BCL6B: variants seen among roughly 807,000 people sequenced by gnomAD.
The protein encoded by BCL6B is BCL6B transcription repressor, also known as B-cell CLL/lymphoma 6 member B protein.
Under a neutral mutation model 44.6 loss-of-function variants are expected in BCL6B, and 28 were observed. The observed-to-expected ratio is 0.63, with a 90% CI of 0.47 to 0.86. BCL6B has a LOEUF of 0.86. Ranked by LOEUF, BCL6B falls within the 40% of genes least tolerant of loss-of-function variation. The probability of loss-of-function intolerance (pLI) is 0.00; values close to 1 mark genes in which losing one functional copy is unlikely to be tolerated. For synonymous variants in BCL6B, 268 were observed against 263.6 expected (o/e 1.02, Z -0.16); for missense variants, 626 against 652.3 (o/e 0.96, Z 0.44).
At position 7,024,395 on chromosome 17, in the gene BCL6B, C is replaced by T. The variant is rs1172610183; in HGVS notation, c.402-6C>T. Reference sequence around the variant, plus strand: ...ATGGCACTAACGTTCATCACACTTTCCCCAGCTATGAACCTCTGGGCATCT... The same window carrying T: ...ATGGCACTAACGTTCATCACACTTTTCCCAGCTATGAACCTCTGGGCATCT... On this transcript the variant is annotated splice_region_variant and splice_polypyrimidine_tract_variant and intron_variant, in intron 3 of 8. Coordinates refer to ENST00000293805, the MANE Select transcript of BCL6B (RefSeq NM_181844.4). The surrounding 1 kb of genome is among the most constrained non-coding windows in gnomAD (Gnocchi z 6.6). 2 of 1,612,244 alleles carry T rather than the reference C, an allele frequency of 1.2e-6. No individual in the cohort carries two copies. Among genetic ancestry groups the T allele is most frequent in the East Asian group, 2.2e-5 (1 of 44,854 alleles).
Position 7,028,700 on chromosome 17 carries a change from A to C in BCL6B, c.*1081A>C, listed in dbSNP as rs1033391755. ...GATCAGACATTCCTTATCAGAGATGATGTGACCTTTTCTGACTCTGCCCAG... is the reference window on the plus strand; with the variant it reads ...GATCAGACATTCCTTATCAGAGATGCTGTGACCTTTTCTGACTCTGCCCAG... On this transcript the variant is annotated 3_prime_UTR_variant, in exon 9 of 9. Coordinates refer to ENST00000293805, the MANE Select transcript of BCL6B (RefSeq NM_181844.4). The C allele has an allele frequency of 1.0e-6, 1 of 985,420 alleles. No homozygotes were observed. Among genetic ancestry groups the C allele is most frequent in the South Asian group, 4.7e-5 (1 of 21,284 alleles). 61.0% of individuals were successfully genotyped at this position (985,420 alleles called of 1,614,324 possible). A position where few individuals can be genotyped will look rare whatever the true frequency, so the allele number is the denominator to read the frequency against.
intron 8 of BCL6B, among the ~76,000 whole-genome samples, 168 bp from the exon 9 acceptor site, chr17:7,027,335 C>G (rs1289990746): frequency 2.0e-5 from 3 of 152,166 alleles, no homozygotes; most frequent in Non-Finnish European, 4.4e-5. Flanking sequence ...CTAAATAAGG[C>G]GGGGCCTATC....
In BCL6B at chr17:7,026,750, G is replaced by A; in HGVS notation, c.1100G>A (p.Arg367Gln). 1.9e-6 allele frequency: 3 copies of A among 1,614,186 alleles called. No homozygotes were observed. The highest frequency in any genetic ancestry group is 2.5e-6 in the Non-Finnish European group (3 of 1,180,042). Reference sequence around the variant, plus strand: ...TCAATCTGCGGAGCCCGTTTTAACCGGCCAGCAAACCTGAAAACGCACAGC... The same window carrying A: ...TCAATCTGCGGAGCCCGTTTTAACCAGCCAGCAAACCTGAAAACGCACAGC... ...HCSICGARFN[R>Q]PANLKTHSRI... is the part of the protein sequence containing the mutation. Residue 367 changes from arginine to glutamine, a missense_variant, in exon 7 of 9, where the codon CGG becomes CAG. Physicochemically the swap from Arg to Gln is conservative, Grantham distance 43. Transcript: ENST00000293805.
rs201901292 is a variant in BCL6B at position 7,026,853 on chromosome 17, A to G, written c.1185+18A>G. The G allele has an allele frequency of 5.1e-5, 83 of 1,613,032 alleles. 2 individuals carry two copies. In the South Asian group the frequency reaches 8.7e-4, roughly 17 times the overall value. On this transcript the variant is annotated intron_variant, in intron 7 of 8. Coordinates refer to ENST00000293805, the MANE Select transcript of BCL6B (RefSeq NM_181844.4). ...TTGTACAGGTACGGAGCCAGCCTCCAAGTGGCTTCCAAGGCAAACCTGCAA... is the reference window on the plus strand; with the variant it reads ...TTGTACAGGTACGGAGCCAGCCTCCGAGTGGCTTCCAAGGCAAACCTGCAA...
At position 7,026,777 on chromosome 17, in the gene BCL6B, G is replaced by A. The variant is rs1567729236; in HGVS notation, c.1127G>A (p.Arg376His). ...CCAGCAAACCTGAAAACGCACAGCC[G>A]CATCCATTCGGGAGAGAAGCCGTAT... ...NRPANLKTHSRIHSGEKPYKC... is the reference protein window; with the variant it reads ...NRPANLKTHSHIHSGEKPYKC... Residue 376 changes from arginine (R) to histidine (H), a missense_variant, in exon 7 of 9, where the codon CGC becomes CAC. By Grantham distance (29) the Arg-to-His change is conservative. Transcript: ENST00000293805. 3 of 1,614,164 alleles carry A rather than the reference G, an allele frequency of 1.9e-6. 1 individual carries two copies. Among genetic ancestry groups the A allele is most frequent in the Middle Eastern group, 1.6e-4 (1 of 6,062 alleles).
In BCL6B at chr17:7,024,824, T is replaced by C; in HGVS notation, c.764+61T>C. 2 of 1,528,030 alleles carry C rather than the reference T, an allele frequency of 1.3e-6. No homozygotes were observed. Among genetic ancestry groups the C allele is most frequent in the Admixed American group, 4.2e-5 (2 of 47,796 alleles). The allele number at this position is 1,528,030 out of a possible 1,614,324, so 94.7% of individuals were successfully genotyped here. A position where few individuals can be genotyped will look rare whatever the true frequency, so the allele number is the denominator to read the frequency against. ...TGGCCTCAGCTAGAAGACAGAGTCA[T>C]TGGGCCTTGATGGTCAGGAGGAAGG... On this transcript the variant is annotated intron_variant, in intron 4 of 8. Coordinates refer to ENST00000293805, the MANE Select transcript of BCL6B (RefSeq NM_181844.4). The surrounding 1 kb of genome is among the most constrained non-coding windows in gnomAD (Gnocchi z 6.6).
intron 1 of BCL6B, 194 bp from the exon 2 acceptor site, chr17:7,023,466 T>A (rs940829910): frequency 1.7e-6 from 1 of 581,890 alleles, no homozygotes; most frequent in Non-Finnish European, 3.0e-6. Context: ...CGCTGTGGGA[T>A]CTGGAAGAGG....
Position 7,027,575 on chromosome 17 carries a change from G to A in BCL6B, c.1396G>A (p.Ala466Thr), listed in dbSNP as rs1910334542. The change falls in exon 9 of 9, where the codon GCT (alanine) becomes ACT (threonine). Residue 466 changes from alanine to threonine, a missense_variant. By Grantham distance (58) the Ala-to-Thr change is moderately conservative. Transcript: ENST00000293805. ...RLHLRQKHGA[A>T]TNTKVHYHIL... ...GCATCTGCGCCAGAAACACGGAGCT[G>A]CTACCAACACCAAAGTGCACTACCA... 1.9e-6 allele frequency: 3 copies of A among 1,613,792 alleles called. No homozygotes were observed. The highest frequency in any genetic ancestry group is 4.5e-5 in the East Asian group (2 of 44,864).
intron 5 of BCL6B, among the ~76,000 whole-genome samples, chr17:7,025,831 T>C (rs1165820510): frequency 1.3e-5 from 1 of 74,604 alleles, no homozygotes; most frequent in African/African-American, 4.8e-5. Context: ...AGCAAGACTC[T>C]GTCTCAAAAA....
chr17:7,027,015 C>T lies in BCL6B; in HGVS notation c.1251C>T (p.Cys417=), dbSNP rs964746709. 1.1e-5 allele frequency: 18 copies of T among 1,613,566 alleles called. No homozygotes were observed. The highest frequency in any genetic ancestry group is 4.5e-5 in the East Asian group (2 of 44,894). ...TGEKPYPCPT[C]GTRFRHLQTL... ...AGAAGCCCTACCCTTGCCCTACCTG[C>T]GGAACCCGCTTCCGCCACCTGCAGA... Residue 417 remains cysteine, a synonymous_variant, in exon 8 of 9, where the codon TGC becomes TGT. Transcript: ENST00000293805.
rs775388300 is a variant in BCL6B, at chr17:7,026,734, G to A, written c.1084G>A (p.Gly362Arg). ...GEKPYHCSICGARFNRPANLK... is the reference protein window; with the variant it reads ...GEKPYHCSICRARFNRPANLK... The stretch of plus-strand genomic sequence containing the variant: ...AAAGCCTTACCACTGCTCAATCTGC[G>A]GAGCCCGTTTTAACCGGCCAGCAAA... The change falls in exon 7 of 9, where the codon GGA becomes AGA. Residue 362 changes from glycine to arginine, a missense_variant. Transcript: ENST00000293805. 14 of 1,614,200 alleles carry A rather than the reference G, an allele frequency of 8.7e-6. No individual in the cohort carries two copies. The highest frequency in any genetic ancestry group is 3.3e-5 in the South Asian group (3 of 91,088).
rs754759982 is a variant in BCL6B, at chr17:7,024,064, T to G, written c.180-19T>G. 2.5e-6 allele frequency: 4 copies of G among 1,612,448 alleles called. No homozygotes were observed. The highest frequency in any genetic ancestry group is 1.1e-5 in the South Asian group (1 of 91,056). On this transcript the variant is annotated intron_variant, in intron 2 of 8. Coordinates refer to ENST00000293805, the MANE Select transcript of BCL6B (RefSeq NM_181844.4). This position sits in a 1 kb window ranked among gnomAD's most constrained non-coding sequence, Gnocchi z 6.6. ...CTTGGTTCCCCAGCCCCCAAAGGAC[T>G]TATCTGCTCTCTCTCTAGTGGCTTC...
intron 4 of BCL6B, 74 bp from the exon 5 acceptor site, chr17:7,025,002 C>T: frequency 6.4e-7 from 1 of 1,564,266 alleles, no homozygotes; most frequent in Non-Finnish European, 8.7e-7. Flanking sequence ...CCTTTGGCTC[C>T]AAATTTCCCA....
chr17:7,023,965 A>C, intron 2 of BCL6B, 115 bp downstream of exon 2: 2 of 1,521,882 alleles, frequency 1.3e-6, no homozygotes, highest in Non-Finnish European at 1.8e-6. Flanking sequence ...GCGTCCCAGA[A>C]TTGGGGGCGG....
In BCL6B at chr17:7,024,411, C is replaced by T. The variant is rs559490224; in HGVS notation, c.412C>T (p.Leu138=). 45 of 1,613,332 alleles carry T rather than the reference C, an allele frequency of 2.8e-5. 3 individuals carry two copies. In the South Asian group the frequency reaches 3.8e-4, roughly 14 times the overall value. Residue 138 remains leucine, a synonymous_variant, in exon 4 of 9, where the codon CTG becomes TTG. Transcript: ENST00000293805. The surrounding 1 kb of genome is among the most constrained non-coding windows in gnomAD (Gnocchi z 6.6). ...HRFIQASYEP[L]GISLRPLEAE... is the part of the protein sequence containing the mutation. ...TCACACTTTCCCCAGCTATGAACCT[C>T]TGGGCATCTCCCTGCGCCCCCTGGA...
chr17:7,023,582 C>T, intron 1 of BCL6B, 78 bp from the exon 2 acceptor site: 1 of 1,403,774 alleles, frequency 7.1e-7, no homozygotes, highest in East Asian at 2.4e-5. Flanking sequence ...AGTTGCACCT[C>T]GGAAGGAAAA....
At chr17:7,023,216 G>A (rs1910176244) in intron 1 of BCL6B, 117 bp downstream of exon 1, 1 of 166,432 alleles carries the variant, frequency 6.0e-6, no homozygotes, top group South Asian at 1.4e-4. Flanking sequence ...CTAGGGATTG[G>A]GGACTAGATA....
chr17:7,023,916 G>A (rs1910200124), intron 2 of BCL6B, 66 bp downstream of exon 2: 15 of 1,573,106 alleles, frequency 9.5e-6, no homozygotes, highest in Non-Finnish European at 1.3e-5. Context: ...GCCGTTGAGA[G>A]GGAATCCGAA....
Position 7,029,265 on chromosome 17 carries a change from G to A in BCL6B, c.*1646G>A. On this transcript the variant is annotated 3_prime_UTR_variant, in exon 9 of 9. Transcript: ENST00000293805. ...CAGGGTTGCCTCTTGGCTGGGTGGA[G>A]TCTCTGAAATGTTAGAAGAAGCGCT... 1.0e-6 allele frequency: 1 copy of A among 986,764 alleles called. No homozygotes were observed. The highest frequency in any genetic ancestry group is 1.2e-6 in the Non-Finnish European group (1 of 830,850). The allele number at this position is 986,764 out of a possible 1,614,324, so 61.1% of individuals were successfully genotyped here.
Sources: allele counts gnomAD v4.1 joint callset (sites outside exome capture counted in the v4.1 genomes callset), GRCh38; gene constraint gnomAD v4.1.1; non-coding constraint Gnocchi (gnomAD v3.1); transcripts MANE v1.5; gene names NCBI Gene and HGNC (gene_info 2026-07-23, HGNC 2026-07-21).